The following BRD7 variants were observed in gnomAD, a reference collection of about 807,000 sequenced individuals.
BRD7 encodes the protein bromodomain-containing protein 7.
BRD7 carries 15 observed loss-of-function variants against 82.1 expected under a neutral mutation model. The ratio of observed to expected loss-of-function variants is 0.18; its 90% confidence interval spans 0.12 to 0.28. The LOEUF is 0.28. Among genes scored for constraint, BRD7 ranks in the 10% least tolerant of loss-of-function variants. BRD7 has a pLI of 1.00. For missense variants in BRD7, 638 were observed against 779.9 expected, an observed-to-expected ratio of 0.82 and a Z score of 2.17; for synonymous variants, 232 against 266.9, an observed-to-expected ratio of 0.87 and a Z score of 1.27.
rs71138061 is a variant in BRD7, at chr16:50,330,336, AC to A, written c.1012-1593del. On this transcript the variant is annotated intron_variant, in intron 8 of 16. Transcript: ENST00000394688. Reference sequence around the variant, plus strand: ...AAACAAGTTAAGTTGAAAAGAGGACACTTTTTTTTTTTTTTTTTTTTTGAGA... The same window carrying A: ...AAACAAGTTAAGTTGAAAAGAGGACATTTTTTTTTTTTTTTTTTTTTGAGA... 4.9e-3 allele frequency among the ~76,000 whole-genome samples: 689 copies of A among 139,256 alleles called. 1 individual carries two copies. Among genetic ancestry groups the A allele is most frequent in the East Asian group, 0.011 (52 of 4,710 alleles). The allele number at this position is 139,256 out of a possible 152,430, so 91.4% of individuals were successfully genotyped here. A position where few individuals can be genotyped will look rare whatever the true frequency, so the allele number is the denominator to read the frequency against.
intron 2 of BRD7, among the ~76,000 whole-genome samples, chr16:50,357,743 G>A (rs1322552882): frequency 1.3e-5 from 2 of 152,182 alleles, no homozygotes; most frequent in African/African-American, 4.8e-5. Flanking sequence ...AGCTTTGGGA[G>A]GCTGAGGCAG....
chr16:50,354,401 T>C, intron 4 of BRD7, 24 bp downstream of exon 4: 1 of 1,588,890 alleles, frequency 6.3e-7, no homozygotes, highest in Non-Finnish European at 8.6e-7. Context: ...TTCTATGTTA[T>C]AAAAATATTG....
chr16:50,345,814 A>G (rs1295632068), intron 5 of BRD7, among the ~76,000 whole-genome samples: 1 of 152,118 alleles, frequency 6.6e-6, no homozygotes, highest in Non-Finnish European at 1.5e-5. Context: ...ACACGCAATA[A>G]TAATGCAAAA....
chr16:50,362,782 G>T (rs2038981384), intron 2 of BRD7, among the ~76,000 whole-genome samples: 1 of 152,174 alleles, frequency 6.6e-6, no homozygotes, highest in Non-Finnish European at 1.5e-5. Context: ...AAGGTCTGAG[G>T]AGAGGGAGAA....
chr16:50,320,271 G>T lies in BRD7; in HGVS notation c.1733C>A (p.Pro578His). 1.2e-6 allele frequency: 2 copies of T among 1,613,530 alleles called. No individual in the cohort carries two copies. The highest frequency in any genetic ancestry group is 1.7e-6 in the Non-Finnish European group (2 of 1,179,846). Residue 578 changes from proline (P) to histidine (H), a missense_variant, in exon 15 of 17, where the codon CCC (proline) becomes CAC (histidine). By Grantham distance (77) the Pro-to-His change is moderately conservative. Around this residue, in one of 3 missense-constraint regions of BRD7, gnomAD observed 402 missense variants for 500.8 expected, o/e 0.80. Coordinates refer to ENST00000394688, the MANE Select transcript of BRD7 (RefSeq NM_013263.5). Reference protein sequence around the residue: ...PPPNMICLLGPSYREMHLAEQ... With the variant: ...PPPNMICLLGHSYREMHLAEQ... ...ACCAAGATGCATTTCTCTGTATGAG[G>T]GACCCAAGAGACAGATCATGTTCGG... is the stretch of plus-strand genomic sequence containing the variant.
intron 2 of BRD7, among the ~76,000 whole-genome samples, chr16:50,364,680 G>A (rs759022167): frequency 6.6e-6 from 1 of 152,168 alleles, no homozygotes; most frequent in Non-Finnish European, 1.5e-5. Flanking sequence ...ACACTTCTAA[G>A]AACCCATCCT....
chr16:50,339,512 A>G (rs1238724448), intron 6 of BRD7, among the ~76,000 whole-genome samples: 1 of 152,234 alleles, frequency 6.6e-6, no homozygotes, highest in Non-Finnish European at 1.5e-5. Flanking sequence ...ACAGTATTAC[A>G]ATCTTATGGA....
chr16:50,367,857 G>T (rs1383254325), intron 2 of BRD7, among the ~76,000 whole-genome samples: 1 of 152,116 alleles, frequency 6.6e-6, no homozygotes, highest in Admixed American at 6.5e-5. Flanking sequence ...CTCAAAATTT[G>T]GACTTAGCTG....
intron 6 of BRD7, among the ~76,000 whole-genome samples, chr16:50,339,062 G>A (rs182823793): frequency 2.9e-4 from 44 of 152,304 alleles, no homozygotes; most frequent in African/African-American, 1.0e-3. Context: ...GTAATTTTTT[G>A]CCACTGTGTA....
intron 5 of BRD7, among the ~76,000 whole-genome samples, chr16:50,342,612 G>A (rs569312780): frequency 1.5e-4 from 23 of 152,052 alleles, no homozygotes; most frequent in African/African-American, 5.1e-4. Context: ...CAGTAGAGAC[G>A]GGGTTTCACT....
rs1312066095 is a variant in BRD7, at chr16:50,316,658, G to GT, written c.*2552dup. 2.0e-5 allele frequency: 3 copies of GT among 152,374 alleles called. No individual in the cohort carries two copies. Among genetic ancestry groups the GT allele is most frequent in the Admixed American group, 2.0e-4 (3 of 15,280 alleles). 9.4% of individuals were successfully genotyped at this position (152,374 alleles called of 1,614,324 possible). A position where few individuals can be genotyped will look rare whatever the true frequency, so the allele number is the denominator to read the frequency against. On this transcript the variant is annotated 3_prime_UTR_variant, in exon 17 of 17. Coordinates refer to ENST00000394688, the MANE Select transcript of BRD7 (RefSeq NM_013263.5). The stretch of plus-strand genomic sequence containing the variant: ...TGAGCCGTTCTTGCTCTGAAACTGC[G>GT]TGAGTCAAGGCAAATGCAAAAAGCC...
At chr16:50,328,821 T>A in intron 8 of BRD7, 77 bp from the exon 9 acceptor site, 1 of 1,347,440 alleles carries the variant, frequency 7.4e-7, no homozygotes, top group East Asian at 2.3e-5. Context: ...CCGAAATGCT[T>A]GATACCAGAG....
At chr16:50,363,666 CGCGCGCGT>C (rs1433338154) in intron 2 of BRD7, among the ~76,000 whole-genome samples, 5 of 135,596 alleles carry the variant, frequency 3.7e-5, no homozygotes, top group African/African-American at 1.4e-4. Context: ...TGTGTGCGCG[CGCGCGCGT>C]GCGCGTGTGC....
intron 6 of BRD7, among the ~76,000 whole-genome samples, chr16:50,337,905 G>C (rs1036743073): frequency 1.3e-5 from 2 of 151,984 alleles, no homozygotes; most frequent in Admixed American, 1.3e-4. Context: ...CAGAGAGAAA[G>C]AAAGAGGGAG....
At chr16:50,358,977 C>T (rs1038335013) in intron 2 of BRD7, among the ~76,000 whole-genome samples, 2 of 152,212 alleles carry the variant, frequency 1.3e-5, no homozygotes, top group African/African-American at 4.8e-5. Context: ...AGGCTGTGAT[C>T]TCTACAGGTC....
At chr16:50,337,465 G>T (rs1206600877) in intron 6 of BRD7, among the ~76,000 whole-genome samples, 2 of 151,746 alleles carry the variant, frequency 1.3e-5, no homozygotes, top group African/African-American at 4.8e-5. Context: ...TTTCCATGTT[G>T]GTCATGCTGG....
chr16:50,368,564 G>T (rs1195609112), intron 1 of BRD7, 162 bp downstream of exon 1: 1 of 775,062 alleles, frequency 1.3e-6, no homozygotes, highest in Non-Finnish European at 1.9e-6. Flanking sequence ...TGCCGCGGCC[G>T]CACGGGGGGC....
At chr16:50,343,171 T>C (rs541057295) in intron 5 of BRD7, among the ~76,000 whole-genome samples, 13 of 152,256 alleles carry the variant, frequency 8.5e-5, no homozygotes, top group Non-Finnish European at 1.8e-4. Context: ...ACATGTGATA[T>C]GGTTTGGCTC....
chr16:50,368,346 G>A, intron 1 of BRD7, 48 bp from the exon 2 acceptor site: 2 of 1,582,096 alleles, frequency 1.3e-6, no homozygotes, highest in African/African-American at 2.7e-5. Flanking sequence ...ATTAAAATCG[G>A]GGCTCTCCAG....
Sources: gnomAD v4.1 joint callset for allele counts (sites outside exome capture counted in the v4.1 genomes callset) on GRCh38, gnomAD v4.1.1 for gene constraint, gnomAD v4.1.1 regional missense constraint, MANE v1.5 for transcripts, NCBI Gene and HGNC (gene_info 2026-07-23, HGNC 2026-07-21) for gene names.